The following ASTN2 variants were observed in gnomAD, a reference collection of about 807,000 sequenced individuals.
The protein encoded by ASTN2 is astrotactin-2.
Under a neutral mutation model 139.8 loss-of-function variants are expected in ASTN2, and 54 were observed. That is an observed-to-expected ratio of 0.39 (90% confidence interval 0.31 to 0.48). The LOEUF is 0.48. Among genes scored for constraint, ASTN2 ranks in the 20% least tolerant of loss-of-function variants. The pLI is 0.95. For synonymous variants in ASTN2, 756 were observed against 719.5 expected, an observed-to-expected ratio of 1.05 and a Z score of -0.81; for missense variants, 1,565 against 1,725.1, an observed-to-expected ratio of 0.91 and a Z score of 1.64.
At chr9:116,803,756 C>T (rs1435111886) in intron 13 of ASTN2, among the ~76,000 whole-genome samples, 3 of 151,118 alleles carry the variant, frequency 2.0e-5, no homozygotes, top group African/African-American at 7.3e-5. Flanking sequence ...AATCTCCTTA[C>T]CTCATGATCC....
intron 16 of ASTN2, among the ~76,000 whole-genome samples, chr9:116,652,337 A>G (rs777719689): frequency 6.6e-6 from 1 of 152,164 alleles, no homozygotes; most frequent in Non-Finnish European, 1.5e-5. Context: ...GAATAAATAA[A>G]TGAAAAATAA....
intron 1 of ASTN2, among the ~76,000 whole-genome samples, chr9:117,353,256 A>G (rs1298696961): frequency 6.6e-6 from 1 of 152,162 alleles, no homozygotes; most frequent in Non-Finnish European, 1.5e-5. Context: ...CTCTGGCTCC[A>G]AAATCCAGAG....
intron 10 of ASTN2, among the ~76,000 whole-genome samples, chr9:116,903,996 G>A (rs1452043854): frequency 1.3e-5 from 2 of 152,184 alleles, no homozygotes; most frequent in African/African-American, 4.8e-5. Context: ...CAGATCATTA[G>A]TTGCATTTGA....
intron 2 of ASTN2, among the ~76,000 whole-genome samples, chr9:117,254,932 T>C (rs555137826): frequency 6.6e-6 from 1 of 152,348 alleles, no homozygotes; most frequent in African/African-American, 2.4e-5. Context: ...TCAGGACTTA[T>C]TAAATTGTTT....
At chr9:117,181,804 G>T (rs1007407251) in intron 3 of ASTN2, among the ~76,000 whole-genome samples, 6 of 152,154 alleles carry the variant, frequency 3.9e-5, no homozygotes, top group Non-Finnish European at 1.5e-5. Flanking sequence ...TTGTTATAAT[G>T]GCCGTTATCA....
At chr9:117,244,266 C>G (rs749728982) in intron 2 of ASTN2, among the ~76,000 whole-genome samples, 1 of 152,108 alleles carries the variant, frequency 6.6e-6, no homozygotes, top group Non-Finnish European at 1.5e-5. Flanking sequence ...AGTGTGAGAA[C>G]AGTCTAATAC....
At chr9:116,642,151 A>C (rs1361601311) in intron 17 of ASTN2, among the ~76,000 whole-genome samples, 2 of 150,036 alleles carry the variant, frequency 1.3e-5, no homozygotes, top group Non-Finnish European at 3.0e-5. Context: ...AAAAACAAAA[A>C]AAAACAGAAT....
rs1382775051 is a variant in ASTN2 at position 117,070,124 on chromosome 9, G to C, written c.1276+25920C>G. 6.2e-3 allele frequency among the ~76,000 whole-genome samples: 857 copies of C among 138,912 alleles called. 4 individuals carry two copies. The highest frequency in any genetic ancestry group is 0.012 in the African/African-American group (428 of 36,874). The allele number at this position is 138,912 out of a possible 152,430, so 91.1% of individuals were successfully genotyped here. ...TAGTCTCGATGGTCTTTACATTTTGGCATGATTTTGCAGCGGCTGGTACCG... is the reference window on the plus strand; with the variant it reads ...TAGTCTCGATGGTCTTTACATTTTGCCATGATTTTGCAGCGGCTGGTACCG... On this transcript the variant is annotated intron_variant, in intron 5 of 22. Coordinates refer to ENST00000313400, the MANE Select transcript of ASTN2 (RefSeq NM_001365068.1).
intron 2 of ASTN2, among the ~76,000 whole-genome samples, chr9:117,228,069 C>T (rs915165684): frequency 6.6e-6 from 1 of 152,120 alleles, no homozygotes; most frequent in African/African-American, 2.4e-5. Context: ...AGCCATGTTA[C>T]CTTTTTCAGC....
chr9:117,093,181 C>G (rs1313439558), intron 5 of ASTN2, among the ~76,000 whole-genome samples: 2 of 152,158 alleles, frequency 1.3e-5, no homozygotes, highest in African/African-American at 2.4e-5. Flanking sequence ...ACAAAAGAGA[C>G]TTTACTAAGG....
intron 13 of ASTN2, among the ~76,000 whole-genome samples, chr9:116,748,338 C>A (rs370847188): frequency 6.7e-6 from 1 of 149,662 alleles, no homozygotes; most frequent in African/African-American, 2.6e-5. Context: ...GATGAGGGGG[C>A]ACCTCTTAGT....
intron 19 of ASTN2, among the ~76,000 whole-genome samples, chr9:116,513,837 G>T (rs1424929063): frequency 6.6e-6 from 1 of 152,030 alleles, no homozygotes; most frequent in Non-Finnish European, 1.5e-5. Context: ...TCGTGCCATG[G>T]TTTTCAGCTC....
intron 10 of ASTN2, among the ~76,000 whole-genome samples, chr9:116,959,719 G>A (rs573485374): frequency 3.3e-5 from 5 of 152,018 alleles, no homozygotes; most frequent in Admixed American, 6.6e-5. Context: ...GTAAACCTTC[G>A]GAGAGCAGGT....
At chr9:116,705,250 A>C (rs116094628) in intron 16 of ASTN2, among the ~76,000 whole-genome samples, 1 of 152,190 alleles carries the variant, frequency 6.6e-6, no homozygotes, top group Non-Finnish European at 1.5e-5. Context: ...GATGATGGAT[A>C]TATAAATGCC....
intron 19 of ASTN2, among the ~76,000 whole-genome samples, chr9:116,491,683 C>G (rs879653280): frequency 6.6e-6 from 1 of 152,152 alleles, no homozygotes; most frequent in Non-Finnish European, 1.5e-5. Context: ...AAGTAATCCC[C>G]CAGTGTTCTT....
At chr9:116,543,068 C>A (rs55681291) in intron 19 of ASTN2, among the ~76,000 whole-genome samples, 25,569 of 151,740 alleles carry the variant, frequency 0.17, 2,405 homozygotes, top group African/African-American at 0.24. Context: ...ATAACCTCTA[C>A]TAGATAAGCA....
chr9:116,753,187 A>G (rs1017321744), intron 13 of ASTN2, among the ~76,000 whole-genome samples: 12 of 152,230 alleles, frequency 7.9e-5, no homozygotes, highest in African/African-American at 2.9e-4. Context: ...AAAATGAGCT[A>G]TCTAGCCACA....
At chr9:116,739,773 A>C (rs1161920183) in intron 13 of ASTN2, among the ~76,000 whole-genome samples, 1 of 152,242 alleles carries the variant, frequency 6.6e-6, no homozygotes, top group African/African-American at 2.4e-5. Context: ...CCAGCAGTGC[A>C]AACTGAGTGC....
At chr9:116,554,185 T>A (rs923842803) in intron 19 of ASTN2, among the ~76,000 whole-genome samples, 1 of 152,178 alleles carries the variant, frequency 6.6e-6, no homozygotes, top group African/African-American at 2.4e-5. Context: ...TGAATATGTA[T>A]TATCTCTCGT....
Sources: allele counts gnomAD v4.1 joint callset (sites outside exome capture counted in the v4.1 genomes callset), GRCh38; gene constraint gnomAD v4.1.1; transcripts MANE v1.5; gene names NCBI Gene and HGNC (gene_info 2026-07-23, HGNC 2026-07-21).